Variants in SOX5 observed in about 807,000 individuals in gnomAD.
SOX5 encodes the protein transcription factor SOX-5.
A neutral mutation model predicts 92.0 loss-of-function variants in SOX5; 9 were observed. The ratio of observed to expected loss-of-function variants is 0.10; its 90% CI spans 0.06 to 0.17. The LOEUF is 0.17. Ranked by LOEUF, SOX5 falls within the 10% of genes least tolerant of loss-of-function variation. The pLI is 1.00. For synonymous variants in SOX5, 344 were observed against 336.3 expected, an observed-to-expected ratio of 1.02 and a Z score of -0.25; for missense variants, 642 against 944.5, an observed-to-expected ratio of 0.68 and a Z score of 4.20.
intron 1 of SOX5, among the ~76,000 whole-genome samples, chr12:24,486,572 G>C (rs534371528): frequency 6.6e-6 from 1 of 152,192 alleles, no homozygotes; most frequent in East Asian, 1.9e-4. Context: ...CTCTCTTCTC[G>C]ATCTTTCTCA....
At chr12:23,620,403 G>A (rs2077033005) in intron 8 of SOX5, among the ~76,000 whole-genome samples, 1 of 151,990 alleles carries the variant, frequency 6.6e-6, no homozygotes, top group South Asian at 2.1e-4. Context: ...TTTAATTGAA[G>A]TAATATCTAC....
At chr12:23,558,902 C>T (rs1945715580) in intron 11 of SOX5, among the ~76,000 whole-genome samples, 1 of 152,192 alleles carries the variant, frequency 6.6e-6, no homozygotes, top group African/African-American at 2.4e-5. Context: ...CGTGCCCGGC[C>T]ATGAATCACT....
At chr12:23,711,432 T>C (rs1188632325) in intron 6 of SOX5, among the ~76,000 whole-genome samples, 1 of 152,156 alleles carries the variant, frequency 6.6e-6, no homozygotes, top group African/African-American at 2.4e-5. Context: ...GCATAGGAAA[T>C]AATTGTGCAT....
At chr12:24,020,529 G>T (rs975834752) in intron 4 of SOX5, among the ~76,000 whole-genome samples, 5 of 152,104 alleles carry the variant, frequency 3.3e-5, no homozygotes, top group African/African-American at 1.2e-4. Flanking sequence ...GGCAATCAGG[G>T]CTAAGGTCTG....
At chr12:24,077,016 G>A (rs1425381925) in intron 4 of SOX5, among the ~76,000 whole-genome samples, 1 of 152,088 alleles carries the variant, frequency 6.6e-6, no homozygotes, top group East Asian at 1.9e-4. Context: ...AATTGAGAGT[G>A]AAGGTCAAAT....
intron 1 of SOX5, among the ~76,000 whole-genome samples, chr12:24,420,400 A>T (rs1203149182): frequency 1.3e-5 from 2 of 152,174 alleles, no homozygotes; most frequent in Non-Finnish European, 1.5e-5. Context: ...AGCCAACTTG[A>T]AAGGGTTCCC....
chr12:24,319,032 T>A (rs1223991030), intron 2 of SOX5, among the ~76,000 whole-genome samples: 1 of 152,216 alleles, frequency 6.6e-6, no homozygotes, highest in Admixed American at 6.5e-5. Flanking sequence ...TGCCTCCACC[T>A]GTGTGTCTTC....
chr12:24,182,848 G>C (rs966205096), intron 4 of SOX5, among the ~76,000 whole-genome samples: 1 of 152,084 alleles, frequency 6.6e-6, no homozygotes, highest in African/African-American at 2.4e-5. Flanking sequence ...CGAATAGCTG[G>C]AATTACAGGT....
intron 1 of SOX5, among the ~76,000 whole-genome samples, chr12:23,906,855 T>TA (rs2097298777): frequency 6.6e-6 from 1 of 151,686 alleles, no homozygotes; most frequent in South Asian, 2.1e-4. Flanking sequence ...AAGACAGTAT[T>TA]AAAAATCAGA....
intron 3 of SOX5, among the ~76,000 whole-genome samples, chr12:23,814,061 A>G: frequency 6.6e-6 from 1 of 152,328 alleles, no homozygotes. Context: ...ATAAATTAAA[A>G]GAATATTTAT....
chr12:24,230,414 T>G (rs1428333028), intron 3 of SOX5: 2 of 151,954 alleles, frequency 1.3e-5, no homozygotes, highest in Non-Finnish European at 2.9e-5. Context: ...GGGGGAGGGG[T>G]AGAAAAACGG....
intron 4 of SOX5, among the ~76,000 whole-genome samples, chr12:24,002,611 C>A (rs1207907847): frequency 7.6e-6 from 1 of 132,382 alleles, no homozygotes; most frequent in Non-Finnish European, 1.6e-5. Flanking sequence ...TAAGTTTCTT[C>A]CAAAAAAAAA....
At chr12:24,552,309 T>G (rs191739274) in intron 1 of SOX5, among the ~76,000 whole-genome samples, 2 of 152,252 alleles carry the variant, frequency 1.3e-5, no homozygotes, top group East Asian at 3.8e-4. Flanking sequence ...CCATATGCCA[T>G]GTATATATAA....
intron 4 of SOX5, among the ~76,000 whole-genome samples, chr12:24,033,946 G>GT (rs1955765307): frequency 6.6e-6 from 1 of 151,964 alleles, no homozygotes; most frequent in East Asian, 1.9e-4. Context: ...TGAAGACAGC[G>GT]TTTTTTATAG....
intron 1 of SOX5, among the ~76,000 whole-genome samples, chr12:24,375,275 AG>A (rs1957144155): frequency 6.6e-6 from 1 of 151,934 alleles, no homozygotes; most frequent in Non-Finnish European, 1.5e-5. Context: ...GCCCTGCAAG[AG>A]TGGTGTCTCT....
At chr12:23,661,477 C>T (rs568108154) in intron 7 of SOX5, among the ~76,000 whole-genome samples, 4 of 152,240 alleles carry the variant, frequency 2.6e-5, no homozygotes, top group African/African-American at 4.8e-5. Flanking sequence ...TCAAATGTCG[C>T]TCTCAAGTAT....
At chr12:24,066,976 A>T (rs2137360656) in intron 4 of SOX5, among the ~76,000 whole-genome samples, 1 of 152,278 alleles carries the variant, frequency 6.6e-6, no homozygotes, top group South Asian at 2.1e-4. Flanking sequence ...GAGTCATAAC[A>T]TCACTCTGGT....
intron 1 of SOX5, among the ~76,000 whole-genome samples, chr12:24,389,453 G>A (rs1958768330): frequency 6.6e-6 from 1 of 152,152 alleles, no homozygotes; most frequent in African/African-American, 2.4e-5. Flanking sequence ...CAGAGTACAT[G>A]TGCAAGATAT....
chr12:24,306,932 T>C (rs926559945), intron 2 of SOX5, among the ~76,000 whole-genome samples: 2 of 152,110 alleles, frequency 1.3e-5, no homozygotes, highest in Non-Finnish European at 2.9e-5. Flanking sequence ...TTATATAATG[T>C]CCATCACCTT....
Sources: gnomAD v4.1 joint callset for allele counts (sites outside exome capture counted in the v4.1 genomes callset) on GRCh38, gnomAD v4.1.1 for gene constraint, MANE v1.5 for transcripts, NCBI Gene and HGNC (gene_info 2026-07-23, HGNC 2026-07-21) for gene names.